Variants in DNAAF2 observed in about 807,000 individuals in gnomAD.
DNAAF2 encodes dynein axonemal assembly factor 2.
DNAAF2 carries 58 observed loss-of-function variants against 48.8 expected under a neutral mutation model. The ratio of observed to expected loss-of-function variants is 1.19; its 90% CI spans 0.96 to 1.48. The LOEUF is 1.48. Ranked by LOEUF, DNAAF2 falls within the 40% of genes most tolerant of loss-of-function variation. The probability of loss-of-function intolerance (pLI) is 0.00; values close to 1 mark genes in which losing one functional copy is unlikely to be tolerated. For synonymous variants in DNAAF2, 567 were observed against 481.2 expected (o/e 1.18, Z -2.33); for missense variants, 1,241 against 1,116.1 (o/e 1.11, Z -1.59).
intron 1 of DNAAF2, among the ~76,000 whole-genome samples, chr14:49,630,846 G>C (rs566965119): frequency 7.2e-5 from 11 of 151,982 alleles, no homozygotes; most frequent in African/African-American, 2.7e-4. Context: ...CACCTCCCGG[G>C]TTCAAGCAAT....
Position 49,634,547 on chromosome 14 carries a change from C to T in DNAAF2, c.603G>A (p.Leu201=), listed in dbSNP as rs765554746. ...GGATGACCCCGGGCAGGGGCGTGCG[C>T]AGCACCGCAGCCTCTGGGGTCCCCT... ...KYKGTPEAAV[L]RTPLPGVIPA... The change falls in exon 1 of 3, where the codon CTG becomes CTA. Residue 201 remains leucine (L), a synonymous_variant. Transcript: ENST00000298292. 2 of 1,603,080 alleles carry T rather than the reference C, an allele frequency of 1.2e-6. No homozygotes were observed. The highest frequency in any genetic ancestry group is 2.2e-5 in the South Asian group (2 of 91,074).
rs761527467 is a variant in DNAAF2 at position 49,634,734 on chromosome 14, T to C, written c.416A>G (p.Tyr139Cys). 7.0e-5 allele frequency: 112 copies of C among 1,604,544 alleles called. No homozygotes were observed. The highest frequency in any genetic ancestry group is 9.2e-5 in the Non-Finnish European group (108 of 1,179,124). Residue 139 changes from tyrosine to cysteine, a missense_variant, in exon 1 of 3, where the codon TAC (tyrosine) becomes TGC (cysteine). By Grantham distance (194) the Tyr-to-Cys change is radical (BLOSUM62 -2). Transcript: ENST00000298292. Reference sequence around the variant, plus strand: ...ATGGAAGACCACGTCGTAGACCATGTAGCGGCTGCTGCTGCGCCCCGCGTA... The same window carrying C: ...ATGGAAGACCACGTCGTAGACCATGCAGCGGCTGCTGCTGCGCCCCGCGTA... ...REYAGRSSSR[Y>C]MVYDVVFHPD... is the part of the protein sequence containing the mutation.
chr14:49,633,593 C>T lies in DNAAF2; in HGVS notation c.1557G>A (p.Glu519=), dbSNP rs755965222. The change falls in exon 1 of 3, where the codon GAG becomes GAA. Residue 519 remains glutamate (E), a synonymous_variant. Coordinates refer to ENST00000298292, the MANE Select transcript of DNAAF2 (RefSeq NM_018139.3). ...TACACAGTAACGGAGGACACAAAGGCTCCCCGCTCTTGGTCCCGGGACCAC... is the reference window on the plus strand; with the variant it reads ...TACACAGTAACGGAGGACACAAAGGTTCCCCGCTCTTGGTCCCGGGACCAC... ...AMGGPGTKSG[E]PLCPPLLCNQ... 1.5e-5 allele frequency: 24 copies of T among 1,613,812 alleles called. No homozygotes were observed. In the East Asian group the frequency reaches 4.7e-4, roughly 31 times the overall value.
Position 49,634,861 on chromosome 14 carries a change from A to G in DNAAF2, c.289T>C (p.Leu97=). ...RCFVNVCSNA[L]VGAPSSRPGS... is the part of the protein sequence containing the mutation. ...GGCCGGCTGCTGGGCGCGCCCACCA[A>G]CGCGTTGCTGCAGACATTCACAAAG... The change falls in exon 1 of 3, where the codon TTG becomes CTG. Residue 97 remains leucine, a synonymous_variant. Transcript: ENST00000298292. The G allele has an allele frequency of 6.5e-7, 1 of 1,547,220 alleles. No individual in the cohort carries two copies. The highest frequency in any genetic ancestry group is 8.7e-7 in the Non-Finnish European group (1 of 1,145,780).
At position 49,634,372 on chromosome 14, in the gene DNAAF2, G is replaced by T. The variant is rs753558487; in HGVS notation, c.778C>A (p.Arg260Ser). The T allele has an allele frequency of 8.1e-6, 13 of 1,603,018 alleles. No homozygotes were observed. The highest frequency in any genetic ancestry group is 9.4e-6 in the Non-Finnish European group (11 of 1,175,062). The stretch of plus-strand genomic sequence containing the variant: ...TAATCCTGGAGGTCCACGTGGTGGC[G>T]CTGCACCACGCTGTAGCGAGGCTCG... The part of the protein sequence containing the change: ...PTEPRYSVVQ[R>S]HHVDLQDYRC... Residue 260 changes from arginine (R) to serine (S), a missense_variant, in exon 1 of 3, where the codon CGC becomes AGC. Coordinates refer to ENST00000298292, the MANE Select transcript of DNAAF2 (RefSeq NM_018139.3).
In DNAAF2 at chr14:49,633,897, G is replaced by C. The variant is rs886084919; in HGVS notation, c.1253C>G (p.Pro418Arg). The change falls in exon 1 of 3, where the codon CCG becomes CGG. Residue 418 changes from proline (P) to arginine (R), a missense_variant. By Grantham distance (103) the Pro-to-Arg change is moderately radical. Transcript: ENST00000298292. Reference protein sequence around the residue: ...AGSGVTTLGDPEVAPPPAAAG... With the variant: ...AGSGVTTLGDREVAPPPAAAG... Reference sequence around the variant, plus strand: ...TGCGGCCGGCGGAGGCGCCACCTCCGGGTCGCCCAGGGTGGTGACCCCGGA... The same window carrying C: ...TGCGGCCGGCGGAGGCGCCACCTCCCGGTCGCCCAGGGTGGTGACCCCGGA... The C allele has an allele frequency of 6.5e-7, 1 of 1,534,034 alleles. No homozygotes were observed. The highest frequency in any genetic ancestry group is 2.0e-5 in the Admixed American group (1 of 50,964).
In DNAAF2 at chr14:49,635,097, T is replaced by A; in HGVS notation, c.53A>T (p.Glu18Val). The A allele has an allele frequency of 6.3e-7, 1 of 1,580,612 alleles. No individual in the cohort carries two copies. Among genetic ancestry groups the A allele is most frequent in the Non-Finnish European group, 8.6e-7 (1 of 1,164,222 alleles). Residue 18 changes from glutamate to valine, a missense_variant, in exon 1 of 3, where the codon GAG (glutamate) becomes GTG (valine). Coordinates refer to ENST00000298292, the MANE Select transcript of DNAAF2 (RefSeq NM_018139.3). ...GGCGGAGGTGAGCCGCTGGACCTCC[T>A]CTCCGCTCAGGTCCAAGTCCTCCAG... ...SSLEDLDLSG[E>V]EVQRLTSAFQ...
Position 49,634,194 on chromosome 14 carries a change from C to T in DNAAF2, c.956G>A (p.Arg319Gln), listed in dbSNP as rs751906152. The part of the protein sequence containing the change: ...LDSRKPDYRL[R>Q]LSLPYPVDDG... The stretch of plus-strand genomic sequence containing the variant: ...GTCCACTGGGTACGGGAGCGAGAGC[C>T]GCAGCCGGTAGTCAGGTTTCCTCGA... The change falls in exon 1 of 3, where the codon CGG (arginine) becomes CAG (glutamine). Residue 319 changes from arginine (R) to glutamine (Q), a missense_variant. Physicochemically the swap from Arg to Gln is conservative, Grantham distance 43. Coordinates refer to ENST00000298292, the MANE Select transcript of DNAAF2 (RefSeq NM_018139.3). The T allele has an allele frequency of 1.2e-6, 2 of 1,611,368 alleles. No homozygotes were observed. Among genetic ancestry groups the T allele is most frequent in the Non-Finnish European group, 1.7e-6 (2 of 1,179,448 alleles).
At position 49,634,232 on chromosome 14, in the gene DNAAF2, C is replaced by A. The variant is rs757123994; in HGVS notation, c.918G>T (p.Leu306=). 2.5e-6 allele frequency: 4 copies of A among 1,612,376 alleles called. No individual in the cohort carries two copies. Among genetic ancestry groups the A allele is most frequent in the South Asian group, 2.2e-5 (2 of 91,082 alleles). The stretch of plus-strand genomic sequence containing the variant: ...CAGGTTTCCTCGAGTCGAGGCACAG[C>A]AGCTTTCTCGTTACCTCCAGCGCCG... ...EQAALEVTRK[L]LCLDSRKPDY... is the part of the protein sequence containing the mutation. Residue 306 remains leucine (L), a synonymous_variant, in exon 1 of 3, where the codon CTG becomes CTT. Transcript: ENST00000298292.
chr14:49,626,141 G>A, intron 2 of DNAAF2, 93 bp from the exon 3 acceptor site: 3 of 1,069,482 alleles, frequency 2.8e-6, no homozygotes, highest in Non-Finnish European at 3.7e-6. Flanking sequence ...TAACAGTTGT[G>A]AGGTAATAGC....
In DNAAF2 at chr14:49,630,754, CACTT is replaced by C. The variant is rs1371949218; in HGVS notation, c.1863+2529_1863+2532del. On this transcript the variant is annotated intron_variant, in intron 1 of 2. Transcript: ENST00000298292. ...CACAAACTCTCTACACACACACACA[CACTT>C]TTTTTTTTTTTGAGAAAGAGTCTCA... 2.7e-5 allele frequency among the ~76,000 whole-genome samples: 4 copies of C among 149,142 alleles called. No homozygotes were observed. The East Asian group carries it at 5.8e-4, about 22-fold the overall frequency.
chr14:49,625,718 C>G lies in DNAAF2; in HGVS notation c.2338G>C (p.Glu780Gln), dbSNP rs778899267. 7.4e-6 allele frequency: 12 copies of G among 1,613,522 alleles called. No individual in the cohort carries two copies. The Admixed American group carries it at 1.0e-4, about 13-fold the overall frequency. Residue 780 changes from glutamate (E) to glutamine (Q), a missense_variant, in exon 3 of 3, where the codon GAA (glutamate) becomes CAA (glutamine). Coordinates refer to ENST00000298292, the MANE Select transcript of DNAAF2 (RefSeq NM_018139.3). ...GAAGATAGGTGATCTCCATCTGTTT[C>G]TTTCTCTTCAGTTATTACTGACTCG... The part of the protein sequence containing the change: ...LNESVITEEK[E>Q]TDGDHLSSLL...
chr14:49,627,632 G>T (rs913808416), intron 2 of DNAAF2, among the ~76,000 whole-genome samples: 26 of 152,202 alleles, frequency 1.7e-4, no homozygotes, highest in Middle Eastern at 3.4e-3. Flanking sequence ...GAGGCGGGTG[G>T]ATCATGAGGT....
chr14:49,625,602 T>G lies in DNAAF2; in HGVS notation c.2454A>C (p.Lys818Asn), dbSNP rs756050427. The change falls in exon 3 of 3, where the codon AAA (lysine) becomes AAC (asparagine). Residue 818 changes from lysine to asparagine, a missense_variant. Transcript: ENST00000298292. ...NMQDGSVQVI[K>N]DHVTNCAFSF... ...TGAATGCACAATTGGTCACATGATC[T>G]TTAATGACCTGCACACTACCATCCT... The G allele has an allele frequency of 1.2e-6, 2 of 1,611,066 alleles. No homozygotes were observed. Among genetic ancestry groups the G allele is most frequent in the Non-Finnish European group, 1.7e-6 (2 of 1,179,124 alleles).
At chr14:49,626,071 TTAA>T (rs1484547350) in intron 2 of DNAAF2, 23 bp from the exon 3 acceptor site, 12 of 1,388,550 alleles carry the variant, frequency 8.6e-6, no homozygotes, top group South Asian at 7.6e-5. Flanking sequence ...AAACAACAAA[TTAA>T]TAATTATTTT....
intron 1 of DNAAF2, among the ~76,000 whole-genome samples, chr14:49,632,703 C>A (rs954404122): frequency 6.6e-6 from 1 of 152,028 alleles, no homozygotes; most frequent in African/African-American, 2.4e-5. Context: ...GCCTTGGCCC[C>A]CCCAAAGTGC....
intron 1 of DNAAF2, among the ~76,000 whole-genome samples, chr14:49,632,556 C>T (rs1330798209): frequency 2.6e-5 from 4 of 151,976 alleles, no homozygotes; most frequent in Admixed American, 1.3e-4. Flanking sequence ...AGTGATTCTC[C>T]TGCCTCAGCC....
chr14:49,626,995 G>A (rs1288446733), intron 2 of DNAAF2, among the ~76,000 whole-genome samples: 4 of 151,496 alleles, frequency 2.6e-5, no homozygotes, highest in Non-Finnish European at 5.9e-5. Context: ...TAGTACAGAC[G>A]GGGTTTCACT....
intron 1 of DNAAF2, among the ~76,000 whole-genome samples, chr14:49,632,008 G>A (rs1000989239): frequency 1.6e-4 from 24 of 152,106 alleles, no homozygotes; most frequent in Non-Finnish European, 5.9e-5. Flanking sequence ...ATCTATTTCA[G>A]GCTTCAAAGA....
Sources: allele counts gnomAD v4.1 joint callset (sites outside exome capture counted in the v4.1 genomes callset), GRCh38; gene constraint gnomAD v4.1.1; transcripts MANE v1.5; gene names NCBI Gene and HGNC (gene_info 2026-07-23, HGNC 2026-07-21).